LYRM4: variants seen among roughly 807,000 people sequenced by gnomAD.
The protein encoded by LYRM4 is LYR motif-containing protein 4.
A neutral mutation model predicts 11.7 loss-of-function variants in LYRM4; 9 were observed. The ratio of observed to expected loss-of-function variants is 0.77; its 90% CI spans 0.46 to 1.34. The LOEUF (loss-of-function observed/expected upper bound fraction) is 1.34. Ranked by LOEUF, LYRM4 falls within the 40% of genes most tolerant of loss-of-function variation. The pLI, the probability that LYRM4 is intolerant of heterozygous loss-of-function variation, is 0.00. For missense variants in LYRM4, 133 were observed against 112.5 expected (o/e 1.18, Z -0.82); for synonymous variants, 42 against 40.4 (o/e 1.04, Z -0.15).
intron 2 of LYRM4, among the ~76,000 whole-genome samples, chr6:5,199,200 T>A (rs972163346): frequency 6.6e-6 from 1 of 152,264 alleles, no homozygotes; most frequent in Non-Finnish European, 1.5e-5. Context: ...TATATCCATA[T>A]AATGGAAGAC....
At chr6:5,060,225 A>G in the LYRM4 span, among the ~76,000 whole-genome samples, 1 of 152,234 alleles carries the variant, frequency 6.6e-6, no homozygotes, top group Non-Finnish European at 1.5e-5. Flanking sequence ...TAAAACATTG[A>G]TAGATATTAT....
chr6:5,042,359 A>G, the LYRM4 span: 1 of 152,208 alleles, frequency 6.6e-6, no homozygotes, highest in Non-Finnish European at 1.5e-5. Flanking sequence ...AATATTCAGT[A>G]TTATTAAAAT....
At chr6:5,093,491 A>T in the LYRM4 span, among the ~76,000 whole-genome samples, 1 of 152,270 alleles carries the variant, frequency 6.6e-6, no homozygotes, top group African/African-American at 2.4e-5. Flanking sequence ...TGGCTGCTTC[A>T]AAGTCAAAGG....
chr6:5,100,967 C>A (rs1261924826), downstream of LYRM4, among the ~76,000 whole-genome samples: 1 of 152,216 alleles, frequency 6.6e-6, no homozygotes, highest in African/African-American at 2.4e-5. Flanking sequence ...CGTCCTCTGC[C>A]AGCCCCTAGT....
At position 5,216,754 on chromosome 6, in the gene LYRM4, G is replaced by C. The variant is rs375536165; in HGVS notation, c.87-16C>G. The C allele has an allele frequency of 2.6e-5, 42 of 1,601,462 alleles. No homozygotes were observed. In the African/African-American group the frequency reaches 5.5e-4, roughly 21 times the overall value. On this transcript the variant is annotated splice_polypyrimidine_tract_variant and intron_variant, in intron 1 of 2. Transcript: ENST00000330636. ...AGCATATGTTCTAAATGAATTCAGA[G>C]GAAAAAAAAGAAAAGGTGTCAGCGT...
At position 5,118,105 on chromosome 6, in the gene LYRM4, GT is replaced by G. The variant is rs1389472800; in HGVS notation, c.208-8615del. 4.7e-4 allele frequency among the ~76,000 whole-genome samples: 16 copies of G among 34,346 alleles called. No individual in the cohort carries two copies. In the East Asian group the frequency reaches 0.025, roughly 53 times the overall value. The allele number at this position is 34,346 out of a possible 152,430, so 22.5% of individuals were successfully genotyped here. A position where few individuals can be genotyped will look rare whatever the true frequency, so the allele number is the denominator to read the frequency against. On this transcript the variant is annotated intron_variant, in intron 2 of 2. Coordinates refer to ENST00000330636, the MANE Select transcript of LYRM4 (RefSeq NM_020408.6). ...ATATATATATATATATTTTTGTTTT[GT>G]TTTGTTTTGTTTTTTTTTTTGAGAC...
downstream of LYRM4, among the ~76,000 whole-genome samples, chr6:5,099,672 G>T (rs1183097659): frequency 1.3e-5 from 2 of 152,044 alleles, no homozygotes; most frequent in African/African-American, 2.4e-5. This position sits in a 1 kb window ranked among gnomAD's most constrained non-coding sequence, Gnocchi z 4.3. Context: ...TGAACTCCTG[G>T]CCTCGAGCAA....
the LYRM4 span, among the ~76,000 whole-genome samples, chr6:5,091,101 C>A: frequency 6.6e-6 from 1 of 152,230 alleles, no homozygotes; most frequent in Non-Finnish European, 1.5e-5. Flanking sequence ...GGAAACTCAA[C>A]TGGCAACACG....
chr6:5,105,093 A>C (rs1447638679), downstream of LYRM4: 2 of 152,216 alleles, frequency 1.3e-5, no homozygotes, highest in Non-Finnish European at 2.9e-5. Context: ...ATACATTAAT[A>C]CAGAGATGCT....
intron 2 of LYRM4, among the ~76,000 whole-genome samples, chr6:5,205,538 TA>T (rs200335585): frequency 1.3e-5 from 2 of 149,380 alleles, no homozygotes; most frequent in Non-Finnish European, 3.0e-5. Flanking sequence ...CAATGTCTTA[TA>T]AAAAAAAACA....
intron 1 of LYRM4, among the ~76,000 whole-genome samples, chr6:5,217,802 T>C (rs1242449515): frequency 6.6e-6 from 1 of 152,200 alleles, no homozygotes; most frequent in African/African-American, 2.4e-5. Flanking sequence ...CACAGCCTCA[T>C]ACTCAGATGG....
chr6:5,098,617 G>A, the LYRM4 span, among the ~76,000 whole-genome samples: 655 of 152,182 alleles, frequency 4.3e-3, 3 homozygotes, highest in African/African-American at 0.014. Context: ...GGCATTATCT[G>A]TCATAGTCAA....
intron 2 of LYRM4, among the ~76,000 whole-genome samples, chr6:5,143,098 T>G (rs910599349): frequency 6.6e-6 from 1 of 152,230 alleles, no homozygotes; most frequent in Non-Finnish European, 1.5e-5. Flanking sequence ...AGATCAGTGA[T>G]GCCACTTCCT....
intron 1 of LYRM4, among the ~76,000 whole-genome samples, chr6:5,239,529 G>T (rs1054296129): frequency 2.6e-5 from 4 of 152,002 alleles, no homozygotes; most frequent in Admixed American, 2.6e-4. Context: ...AGTGCAAGGG[G>T]CCTCCAATGT....
intron 2 of LYRM4, among the ~76,000 whole-genome samples, chr6:5,191,524 A>G (rs1760755212): frequency 6.6e-6 from 1 of 152,200 alleles, no homozygotes; most frequent in East Asian, 1.9e-4. Context: ...TGAAACTAGG[A>G]ATGAGAACTG....
chr6:5,086,349 C>G, the LYRM4 span: 1 of 1,535,784 alleles, frequency 6.5e-7, no homozygotes, highest in Admixed American at 2.0e-5. Flanking sequence ...AGCCAGGGTC[C>G]GGGGATGCCA....
At chr6:5,140,387 T>A (rs540774259) in intron 2 of LYRM4, among the ~76,000 whole-genome samples, 1 of 152,032 alleles carries the variant, frequency 6.6e-6, no homozygotes, top group Non-Finnish European at 1.5e-5. Context: ...TAAAAAAAAA[T>A]AAAGCTTAAC....
the LYRM4 span, among the ~76,000 whole-genome samples, chr6:5,078,324 G>T: frequency 6.6e-6 from 1 of 151,676 alleles, no homozygotes; most frequent in African/African-American, 2.4e-5. Flanking sequence ...ACAGTGGACT[G>T]TGCCAGCGTG....
intron 2 of LYRM4, among the ~76,000 whole-genome samples, chr6:5,215,760 A>G (rs1310666620): frequency 1.3e-5 from 2 of 152,266 alleles, no homozygotes; most frequent in Non-Finnish European, 2.9e-5. Flanking sequence ...ACAGCACAGC[A>G]TAACTTACAA....
Sources: gnomAD v4.1 joint callset for allele counts (sites outside exome capture counted in the v4.1 genomes callset) on GRCh38, gnomAD v4.1.1 for gene constraint, Gnocchi (gnomAD v3.1) non-coding constraint, MANE v1.5 for transcripts, NCBI Gene and HGNC (gene_info 2026-07-23, HGNC 2026-07-21) for gene names.